Variants in TWF1 observed in about 807,000 individuals in gnomAD.
TWF1 encodes twinfilin-1.
Under a neutral mutation model 47.9 loss-of-function variants are expected in TWF1, and 14 were observed. The ratio of observed to expected loss-of-function variants is 0.29; its 90% CI spans 0.19 to 0.46. The LOEUF (loss-of-function observed/expected upper bound fraction) is 0.46, where lower values mean the gene tolerates loss of function less well. TWF1 is among the 20% of genes least tolerant of loss of function. The pLI is 1.00. For missense variants in TWF1, 281 were observed against 409.3 expected, an observed-to-expected ratio of 0.69 and a Z score of 2.70; for synonymous variants, 96 against 139.2, an observed-to-expected ratio of 0.69 and a Z score of 2.18.
chr12:43,799,304 T>C, intron 5 of TWF1, 94 bp downstream of exon 5: 2 of 798,936 alleles, frequency 2.5e-6, no homozygotes, highest in South Asian at 4.5e-5. Context: ...ACCTAACTTC[T>C]TTAATCTCTA....
At chr12:43,798,575 T>C (rs936984440) in intron 5 of TWF1, 6 of 1,523,368 alleles carry the variant, frequency 3.9e-6, no homozygotes, top group Non-Finnish European at 4.4e-6. Flanking sequence ...CCCAATATGA[T>C]CCTCTGGGCT....
In TWF1 at chr12:43,795,701, G is replaced by A. The variant is rs1480930112; in HGVS notation, c.937C>T (p.His313Tyr). 3.1e-6 allele frequency: 5 copies of A among 1,613,840 alleles called. No individual in the cohort carries two copies. Among genetic ancestry groups the A allele is most frequent in the Non-Finnish European group, 4.2e-6 (5 of 1,179,858 alleles). Residue 313 changes from histidine to tyrosine, a missense_variant, in exon 9 of 9, where the codon CAT becomes TAT. Coordinates refer to ENST00000395510, the MANE Select transcript of TWF1 (RefSeq NM_002822.5). ...TGCTTGTGTGCATGCTGCTTGGGAT[G>A]TACTTCTTCATAAAGGAAGTCTGCA... ...LTADFLYEEV[H>Y]PKQHAHKQSF...
At chr12:43,801,444 TA>T (rs1309323643) in intron 3 of TWF1, among the ~76,000 whole-genome samples, 1 of 152,206 alleles carries the variant, frequency 6.6e-6, no homozygotes, top group Admixed American at 6.5e-5. Flanking sequence ...TAGATAACTT[TA>T]AAAATAATTA....
At chr12:43,801,875 T>C (rs1942667799) in intron 3 of TWF1, among the ~76,000 whole-genome samples, 1 of 152,008 alleles carries the variant, frequency 6.6e-6, no homozygotes, top group Admixed American at 6.6e-5. Flanking sequence ...ACTAAAAATA[T>C]AAAAATTAGC....
At position 43,800,402 on chromosome 12, in the gene TWF1, G is replaced by T. The variant is rs1324060709; in HGVS notation, c.378+33C>A. ...GAGTTCCTCTTTAATCATTTTAATT[G>T]CAACATATAGAATCCACATACAAAC... On this transcript the variant is annotated intron_variant, in intron 4 of 8. Coordinates refer to ENST00000395510, the MANE Select transcript of TWF1 (RefSeq NM_002822.5). 3 of 1,515,968 alleles carry T rather than the reference G, an allele frequency of 2.0e-6. No individual in the cohort carries two copies. In the South Asian group the frequency reaches 3.5e-5, roughly 18 times the overall value. 93.9% of individuals were successfully genotyped at this position (1,515,968 alleles called of 1,614,324 possible). A position where few individuals can be genotyped will look rare whatever the true frequency, so the allele number is the denominator to read the frequency against.
At chr12:43,803,361 A>G (rs12296907) in intron 2 of TWF1, among the ~76,000 whole-genome samples, 2,822 of 152,204 alleles carry the variant, frequency 0.019, 88 homozygotes, top group African/African-American at 0.064. Flanking sequence ...CAGAAGCAAA[A>G]TTGTTTAAAG....
chr12:43,805,339 C>T (rs1942739338), intron 1 of TWF1, among the ~76,000 whole-genome samples: 1 of 152,156 alleles, frequency 6.6e-6, no homozygotes, highest in Admixed American at 6.5e-5. Flanking sequence ...TATTTTGCTT[C>T]TGCGTGCGTG....
In TWF1 at chr12:43,806,302, G is replaced by C; in HGVS notation, c.-57C>G. 1 of 1,450,500 alleles carries C rather than the reference G, an allele frequency of 6.9e-7. No homozygotes were observed. Among genetic ancestry groups the C allele is most frequent in the Non-Finnish European group, 9.1e-7 (1 of 1,103,128 alleles). The allele number at this position is 1,450,500 out of a possible 1,614,324, so 89.9% of individuals were successfully genotyped here. A position where few individuals can be genotyped will look rare whatever the true frequency, so the allele number is the denominator to read the frequency against. On this transcript the variant is annotated 5_prime_UTR_variant, in exon 1 of 9. Transcript: ENST00000395510. ...TGAGTGCAGCCAGCGGCCCCGGCCG[G>C]CGGCCCCAGGAAGTGGCTGCTCCTC...
intron 5 of TWF1, 153 bp from the exon 6 acceptor site, chr12:43,797,986 AT>A (rs144307978): frequency 0.035 from 26,237 of 756,240 alleles, 589 homozygotes; most frequent in African/African-American, 0.046. Context: ...TCCTGCTAGC[AT>A]TTTGTCAACA....
rs776167168 is a variant in TWF1, at chr12:43,798,619, C to T, written c.483+779G>A. 7 of 1,466,962 alleles carry T rather than the reference C, an allele frequency of 4.8e-6. No individual in the cohort carries two copies. The South Asian group carries it at 5.3e-5, about 11-fold the overall frequency. The allele number at this position is 1,466,962 out of a possible 1,614,324, so 90.9% of individuals were successfully genotyped here. ...AAGAAATAAAACAAACTATCAAACT[C>T]GTAAAAAAAAAAAAAAATCACATAA... On this transcript the variant is annotated intron_variant, in intron 5 of 8. Coordinates refer to ENST00000395510, the MANE Select transcript of TWF1 (RefSeq NM_002822.5).
chr12:43,796,948 A>C (rs1362118294), intron 8 of TWF1, 28 bp downstream of exon 8: 4 of 1,602,336 alleles, frequency 2.5e-6, no homozygotes, highest in Non-Finnish European at 3.4e-6. Flanking sequence ...TTTAGCAAAA[A>C]CTGAAGATTT....
At chr12:43,804,674 G>C in intron 1 of TWF1, 102 bp from the exon 2 acceptor site, 1 of 691,236 alleles carries the variant, frequency 1.4e-6, no homozygotes, top group East Asian at 3.0e-5. Flanking sequence ...AAAATCTGGA[G>C]CATGTAGCAT....
At position 43,800,491 on chromosome 12, in the gene TWF1, G is replaced by C. The variant is rs1942639735; in HGVS notation, c.322C>G (p.Leu108Val). The change falls in exon 4 of 9, where the codon CTG becomes GTG. Residue 108 changes from leucine to valine, a missense_variant. Coordinates refer to ENST00000395510, the MANE Select transcript of TWF1 (RefSeq NM_002822.5). Reference sequence around the variant, plus strand: ...TGGCCACCTCCAAATTCCTTCTTCAGAGTTGCTCTTGTTGCTGCATACAAC... The same window carrying C: ...TGGCCACCTCCAAATTCCTTCTTCACAGTTGCTCTTGTTGCTGCATACAAC... ...KMLYAATRAT[L>V]KKEFGGGHIK... 1 of 1,613,546 alleles carries C rather than the reference G, an allele frequency of 6.2e-7. No individual in the cohort carries two copies. The highest frequency in any genetic ancestry group is 8.5e-7 in the Non-Finnish European group (1 of 1,179,898).
At chr12:43,805,283 T>C (rs1295179474) in intron 1 of TWF1, among the ~76,000 whole-genome samples, 1 of 152,232 alleles carries the variant, frequency 6.6e-6, no homozygotes, top group African/African-American at 2.4e-5. Flanking sequence ...TATTTATATA[T>C]CGAAATTAAT....
rs184208840 is a variant in TWF1, at chr12:43,795,375, T to C, written c.*210A>G. On this transcript the variant is annotated 3_prime_UTR_variant, in exon 9 of 9. Transcript: ENST00000395510. ...AACAGTGTGACAAAATTAAACATTATGTTGAACCCTTTTCTAGCTTTAACT... is the reference window on the plus strand; with the variant it reads ...AACAGTGTGACAAAATTAAACATTACGTTGAACCCTTTTCTAGCTTTAACT... 236 of 504,960 alleles carry C rather than the reference T, an allele frequency of 4.7e-4. 1 individual carries two copies. Among genetic ancestry groups the C allele is most frequent in the African/African-American group, 4.2e-3 (220 of 52,620 alleles). 31.3% of individuals were successfully genotyped at this position (504,960 alleles called of 1,614,324 possible).
intron 1 of TWF1, chr12:43,805,815 G>T (rs1356809609): frequency 4.4e-6 from 6 of 1,371,808 alleles, no homozygotes; most frequent in Non-Finnish European, 5.8e-6. Flanking sequence ...TTTGGACCAT[G>T]AAAAAGAAAA....
intron 5 of TWF1, 120 bp downstream of exon 5, chr12:43,799,278 G>A (rs946952926): frequency 3.3e-5 from 19 of 571,460 alleles, no homozygotes; most frequent in African/African-American, 2.7e-4. Flanking sequence ...TAAACTAAAC[G>A]GAATAAACCT....
rs1942509537 is a variant in TWF1 at position 43,794,140 on chromosome 12, T to A, written c.*1445A>T. The stretch of plus-strand genomic sequence containing the variant: ...CTCCAGGATTCTTAATGCAATAATT[T>A]GGGTGTATGTGTGTCTGTCTACGTG... On this transcript the variant is annotated 3_prime_UTR_variant, in exon 9 of 9. Transcript: ENST00000395510. 6.6e-6 allele frequency: 1 copy of A among 152,638 alleles called. No homozygotes were observed. Among genetic ancestry groups the A allele is most frequent in the African/African-American group, 2.4e-5 (1 of 41,468 alleles). 9.5% of individuals were successfully genotyped at this position (152,638 alleles called of 1,614,324 possible).
chr12:43,798,621 T>TA (rs35482343), intron 5 of TWF1: 227,364 of 1,278,590 alleles, frequency 0.18, 2,584 homozygotes, highest in African/African-American at 0.27. Context: ...ATCAAACTCG[T>TA]AAAAAAAAAA....
Sources: gnomAD v4.1 joint callset for allele counts (sites outside exome capture counted in the v4.1 genomes callset) on GRCh38, gnomAD v4.1.1 for gene constraint, MANE v1.5 for transcripts, NCBI Gene and HGNC (gene_info 2026-07-23, HGNC 2026-07-21) for gene names.